The following GRB7 variants were observed in gnomAD, a reference collection of about 807,000 sequenced individuals.
GRB7 encodes the protein growth factor receptor-bound protein 7.
In GRB7, 47 loss-of-function variants were observed where a neutral mutation model predicts 64.1. That is an observed-to-expected ratio of 0.73 (90% CI 0.58 to 0.94). GRB7 has a LOEUF of 0.94. Among genes scored for constraint, GRB7 ranks in the 40% least tolerant of loss-of-function variants. GRB7 has a pLI of 0.00. For synonymous variants in GRB7, 277 were observed against 279.9 expected, an observed-to-expected ratio of 0.99 and a Z score of 0.10; for missense variants, 634 against 718.4, an observed-to-expected ratio of 0.88 and a Z score of 1.34.
chr17:39,744,274 C>T (rs2060024036), intron 7 of GRB7, 67 bp downstream of exon 7: 17 of 1,577,000 alleles, frequency 1.1e-5, no homozygotes, highest in Non-Finnish European at 1.5e-5. Flanking sequence ...TGCCCCTTCT[C>T]TGCTGGAACC....
intron 3 of GRB7, 63 bp downstream of exon 3, chr17:39,742,779 A>G (rs2060007682): frequency 1.3e-6 from 2 of 1,524,114 alleles, no homozygotes; most frequent in Admixed American, 4.3e-5. Flanking sequence ...GGAGATACAC[A>G]GCCGCTTCCA....
In GRB7 at chr17:39,746,134, C is replaced by A. The variant is rs191162024; in HGVS notation, c.1384C>A (p.Arg462=). 7 of 1,614,016 alleles carry A rather than the reference C, an allele frequency of 4.3e-6. No homozygotes were observed. The Admixed American group carries it at 8.3e-5, about 19-fold the overall frequency. ...DGLFLVRESQ[R]NPQGFVLSLC... ...CCTGTTCCTGGTCCGGGAGAGTCAG[C>A]GGAACCCCCAGGGCTTTGTCCTCTC... Residue 462 remains arginine, a synonymous_variant, in exon 14 of 15, where the codon CGG becomes AGG. Coordinates refer to ENST00000309156, the MANE Select transcript of GRB7 (RefSeq NM_005310.5).
intron 1 of GRB7, among the ~76,000 whole-genome samples, chr17:39,740,496 C>T (rs552452199): frequency 6.6e-6 from 1 of 152,266 alleles, no homozygotes; most frequent in South Asian, 2.1e-4. Context: ...TGAATCCAGG[C>T]CGGGCATTGC....
rs781602530 is a variant in GRB7 at position 39,744,959 on chromosome 17, G to T, written c.986G>T (p.Trp329Leu). 2.5e-6 allele frequency: 4 copies of T among 1,613,862 alleles called. No homozygotes were observed. Among genetic ancestry groups the T allele is most frequent in the Non-Finnish European group, 3.4e-6 (4 of 1,179,884 alleles). Residue 329 changes from tryptophan (W) to leucine (L), a missense_variant, in exon 9 of 15, where the codon TGG (tryptophan) becomes TTG (leucine). Coordinates refer to ENST00000309156, the MANE Select transcript of GRB7 (RefSeq NM_005310.5). ...GAAGATGAGCAGAGCCGCACCTGCTGGCTGGCTGCCTTCCGCCTCTTCAAG... is the reference window on the plus strand; with the variant it reads ...GAAGATGAGCAGAGCCGCACCTGCTTGCTGGCTGCCTTCCGCCTCTTCAAG... The part of the protein sequence containing the change: ...CSEDEQSRTC[W>L]LAAFRLFKYG...
Position 39,738,976 on chromosome 17 carries a change from G to A in GRB7, c.-51+843G>A, listed in dbSNP as rs568175593. 3,558 of 1,523,908 alleles carry A rather than the reference G, an allele frequency of 2.3e-3. 9 individuals carry two copies. Among genetic ancestry groups the A allele is most frequent in the Non-Finnish European group, 3.0e-3 (3,396 of 1,137,662 alleles). The allele number at this position is 1,523,908 out of a possible 1,614,324, so 94.4% of individuals were successfully genotyped here. On this transcript the variant is annotated intron_variant, in intron 1 of 14. Coordinates refer to ENST00000309156, the MANE Select transcript of GRB7 (RefSeq NM_005310.5). ...GCATGAAATGGGCAGGAAGGCTGGA[G>A]GGGTGTATGAGGGGCTCTGCAGTGC...
chr17:39,744,507 G>C, intron 7 of GRB7, 46 bp from the exon 8 acceptor site: 1 of 1,480,096 alleles, frequency 6.8e-7, no homozygotes, highest in South Asian at 1.2e-5. Context: ...AGGTAATAGT[G>C]GGCGGGATCT....
In GRB7 at chr17:39,747,022, CCA is replaced by C; in HGVS notation, c.*126_*127del. 2.0e-6 allele frequency: 2 copies of C among 992,726 alleles called. No homozygotes were observed. Among genetic ancestry groups the C allele is most frequent in the South Asian group, 1.6e-5 (1 of 61,640 alleles). 61.5% of individuals were successfully genotyped at this position (992,726 alleles called of 1,614,324 possible). A position where few individuals can be genotyped will look rare whatever the true frequency, so the allele number is the denominator to read the frequency against. On this transcript the variant is annotated 3_prime_UTR_variant, in exon 15 of 15. Transcript: ENST00000309156. ...TGAGGAGCGGGAGGGTTCCGCCACTCCAGTTTTCTCCTCTGCTTCTTTGCCTC... is the reference window on the plus strand; with the variant it reads ...TGAGGAGCGGGAGGGTTCCGCCACTCGTTTTCTCCTCTGCTTCTTTGCCTC...
chr17:39,744,192 C>G lies in GRB7; in HGVS notation c.786C>G (p.Thr262=), dbSNP rs143038702. 2 of 1,613,982 alleles carry G rather than the reference C, an allele frequency of 1.2e-6. No homozygotes were observed. The highest frequency in any genetic ancestry group is 1.7e-6 in the Non-Finnish European group (2 of 1,179,996). ...GCCGATCTGGCCTCTATTACTCCAC[C>G]AAGGGCACCTCTAAGGTAAGGTCTT... ...FLRRSGLYYS[T]KGTSKDPRHL... Residue 262 remains threonine, a synonymous_variant, in exon 7 of 15, where the codon ACC becomes ACG. Coordinates refer to ENST00000309156, the MANE Select transcript of GRB7 (RefSeq NM_005310.5).
Position 39,742,396 on chromosome 17 carries a change from A to G in GRB7, c.95A>G (p.Asp32Gly). 6.2e-7 allele frequency: 1 copy of G among 1,613,876 alleles called. No homozygotes were observed. Among genetic ancestry groups the G allele is most frequent in the South Asian group, 1.1e-5 (1 of 91,080 alleles). The change falls in exon 2 of 15, where the codon GAT (aspartate) becomes GGT (glycine). Residue 32 changes from aspartate to glycine, a missense_variant. By Grantham distance (94) the Asp-to-Gly change is moderately conservative. Transcript: ENST00000309156. ...GTPPGTPRPP[D>G]TPLPEEVKRS... ...CCTCCTGGGACTCCCCGGCCCCCTGATACCCCTCTGCCTGAGGAGGTAAAG... is the reference window on the plus strand; with the variant it reads ...CCTCCTGGGACTCCCCGGCCCCCTGGTACCCCTCTGCCTGAGGAGGTAAAG...
chr17:39,743,214 A>C lies in GRB7; in HGVS notation c.498A>C (p.Glu166Asp), dbSNP rs1362165620. 6.2e-7 allele frequency: 1 copy of C among 1,614,064 alleles called. No homozygotes were observed. Among genetic ancestry groups the C allele is most frequent in the East Asian group, 2.2e-5 (1 of 44,882 alleles). Residue 166 changes from glutamate (E) to aspartate (D), a missense_variant, in exon 5 of 15, where the codon GAA becomes GAC. Physicochemically the swap from Glu to Asp is conservative, Grantham distance 45. Around this residue, in one of 2 missense-constraint regions of GRB7, gnomAD observed 467 missense variants for 576.6 expected, o/e 0.81. Coordinates refer to ENST00000309156, the MANE Select transcript of GRB7 (RefSeq NM_005310.5). ...TGGAGGACCACGAGTCCGTGGTGGA[A>C]GTGCAGGCTGCCTGGCCCGTGGGCG... ...RGLEDHESVVEVQAAWPVGGD... is the reference protein window; with the variant it reads ...RGLEDHESVVDVQAAWPVGGD...
chr17:39,745,825 C>T, intron 12 of GRB7, 37 bp downstream of exon 12: 1 of 1,613,522 alleles, frequency 6.2e-7, no homozygotes, highest in Non-Finnish European at 8.5e-7. Context: ...CGGGGGCTGC[C>T]TCAACTTCTC....
In GRB7 at chr17:39,743,234, TGG is replaced by T. The variant is rs1447370145; in HGVS notation, c.520_521del (p.Gly174ArgfsTer3). ...GTGGAAGTGCAGGCTGCCTGGCCCG[TGG>T]GCGGAGATAGCCGCTTCGTCTTCCG... On this transcript the variant is annotated frameshift_variant, in exon 5 of 15. Transcript: ENST00000309156. LOFTEE classifies it high-confidence loss of function. 3.1e-6 allele frequency: 5 copies of T among 1,614,148 alleles called. No homozygotes were observed. In the Admixed American group the frequency reaches 8.3e-5, roughly 27 times the overall value.
intron 9 of GRB7, 29 bp from the exon 10 acceptor site, chr17:39,745,214 T>C: frequency 6.4e-7 from 1 of 1,560,668 alleles, no homozygotes. Context: ...CCTCTCGACC[T>C]CAAGCTCTCT....
intron 1 of GRB7, chr17:39,738,750 A>G (rs879386422): frequency 3.2e-6 from 2 of 616,190 alleles, no homozygotes; most frequent in Non-Finnish European, 5.2e-6. Flanking sequence ...GGTTTCCCCA[A>G]GTCTCTAAGA....
rs1182817309 is a variant in GRB7, at chr17:39,742,582, G to A, written c.172G>A (p.Glu58Lys). ...TTGCCACAGGAAACTTCGAGAGGAGGAGAGGCGTGCCACCTCCCTCCCCTC... is the reference window on the plus strand; with the variant it reads ...TTGCCACAGGAAACTTCGAGAGGAGAAGAGGCGTGCCACCTCCCTCCCCTC... ...PTTGRKLREE[E>K]RRATSLPSIP... The change falls in exon 3 of 15, where the codon GAG (glutamate) becomes AAG (lysine). Residue 58 changes from glutamate (E) to lysine (K), a missense_variant. By Grantham distance (56) the Glu-to-Lys change is moderately conservative (BLOSUM62 1). Transcript: ENST00000309156. 3 of 1,613,754 alleles carry A rather than the reference G, an allele frequency of 1.9e-6. No homozygotes were observed. In the African/African-American group the frequency reaches 4.0e-5, roughly 22 times the overall value.
At chr17:39,740,823 C>T (rs1407388928) in intron 1 of GRB7, among the ~76,000 whole-genome samples, 1 of 152,154 alleles carries the variant, frequency 6.6e-6, no homozygotes, top group Non-Finnish European at 1.5e-5. Context: ...TTGTCCCGCC[C>T]GCCCTGACTC....
intron 5 of GRB7, 23 bp from the exon 6 acceptor site, chr17:39,743,370 C>A (rs755403328): frequency 6.2e-7 from 1 of 1,614,112 alleles, no homozygotes; most frequent in Admixed American, 1.7e-5. Context: ...GAGCCCTGAT[C>A]CCTGACACTT....
intron 2 of GRB7, 39 bp downstream of exon 2, chr17:39,742,495 G>T: frequency 6.2e-7 from 1 of 1,612,952 alleles, no homozygotes. Flanking sequence ...GTCAGTGCTG[G>T]ATAATACACA....
intron 1 of GRB7, among the ~76,000 whole-genome samples, chr17:39,740,871 G>A (rs1047540629): frequency 1.3e-5 from 2 of 152,188 alleles, no homozygotes; most frequent in African/African-American, 4.8e-5. Flanking sequence ...TCACTGAAGG[G>A]TCAGGTGCCT....
Sources: allele counts gnomAD v4.1 joint callset (sites outside exome capture counted in the v4.1 genomes callset), GRCh38; gene constraint gnomAD v4.1.1; regional missense constraint gnomAD v4.1.1; transcripts MANE v1.5; gene names NCBI Gene and HGNC (gene_info 2026-07-23, HGNC 2026-07-21).